Variants in LRRC63 observed in about 807,000 individuals in gnomAD.
LRRC63 encodes leucine-rich repeat-containing protein 63.
LRRC63 carries 40 observed loss-of-function variants against 49.5 expected under a neutral mutation model. The ratio of observed to expected loss-of-function variants is 0.81; its 90% CI spans 0.63 to 1.05. The LOEUF is 1.05. Ranked by LOEUF, LRRC63 falls within the 50% of genes least tolerant of loss-of-function variation. LRRC63 has a pLI of 0.00. For synonymous variants in LRRC63, 191 were observed against 221.1 expected (o/e 0.86, Z 1.21); for missense variants, 636 against 663.1 (o/e 0.96, Z 0.45).
At chr13:46,226,467 A>T (rs1378747356) in intron 2 of LRRC63, among the ~76,000 whole-genome samples, 1 of 152,222 alleles carries the variant, frequency 6.6e-6, no homozygotes, top group Non-Finnish European at 1.5e-5. Context: ...TATTACTCTG[A>T]TCAGGAAACA....
At chr13:46,237,483 G>C (rs2046935870) in intron 5 of LRRC63, among the ~76,000 whole-genome samples, 1 of 151,936 alleles carries the variant, frequency 6.6e-6, no homozygotes. Flanking sequence ...GTGGTGAAGG[G>C]GTATGTGGAG....
chr13:46,241,069 A>G (rs2047048344), intron 5 of LRRC63, among the ~76,000 whole-genome samples: 1 of 152,226 alleles, frequency 6.6e-6, no homozygotes, highest in Non-Finnish European at 1.5e-5. Flanking sequence ...GCATCATGCT[A>G]CCTGCCTTCG....
chr13:46,232,547 G>T (rs2046793985), intron 4 of LRRC63, among the ~76,000 whole-genome samples: 2 of 152,094 alleles, frequency 1.3e-5, no homozygotes, highest in Admixed American at 1.3e-4. Context: ...TAGGAAAGAG[G>T]ACAAAACTAA....
intron 5 of LRRC63, among the ~76,000 whole-genome samples, chr13:46,238,263 A>G (rs1189377714): frequency 2.0e-5 from 3 of 152,198 alleles, no homozygotes; most frequent in Non-Finnish European, 2.9e-5. Context: ...TAAAATTAAC[A>G]AAGATATTCA....
chr13:46,268,984 A>G (rs2138588090), intron 9 of LRRC63, among the ~76,000 whole-genome samples: 1 of 60,578 alleles, frequency 1.7e-5, no homozygotes. Flanking sequence ...ACATTTATGG[A>G]AAAAGCTGAA....
At chr13:46,232,732 A>G (rs753485796) in intron 4 of LRRC63, among the ~76,000 whole-genome samples, 9 of 152,122 alleles carry the variant, frequency 5.9e-5, no homozygotes, top group African/African-American at 2.2e-4. Flanking sequence ...AAAAAATTAC[A>G]ACACATTCTA....
intron 7 of LRRC63, among the ~76,000 whole-genome samples, chr13:46,258,930 A>C (rs915368377): frequency 2.0e-5 from 3 of 152,160 alleles, no homozygotes; most frequent in Non-Finnish European, 4.4e-5. Flanking sequence ...ATATTTTTGA[A>C]ATTATGTAAC....
At chr13:46,214,147 C>T (rs1475655030) in intron 2 of LRRC63, among the ~76,000 whole-genome samples, 1 of 152,176 alleles carries the variant, frequency 6.6e-6, no homozygotes, top group Non-Finnish European at 1.5e-5. Context: ...TTTTCCCCTT[C>T]TCAGTTTCCT....
At chr13:46,266,871 T>C (rs1248494229) in exon 9 of LRRC63, 1 of 1,549,276 alleles carries the variant, frequency 6.5e-7, no homozygotes, top group Non-Finnish European at 8.7e-7. Flanking sequence ...ATTTGAATAA[T>C]CCACAACAAC....
chr13:46,266,020 T>C (rs1023687048), intron 8 of LRRC63, among the ~76,000 whole-genome samples: 1 of 152,218 alleles, frequency 6.6e-6, no homozygotes, highest in Non-Finnish European at 1.5e-5. Flanking sequence ...CTCAGCAGTT[T>C]GTTTCCTAAA....
chr13:46,258,969 A>G (rs1245032900), intron 7 of LRRC63, among the ~76,000 whole-genome samples: 1 of 152,160 alleles, frequency 6.6e-6, no homozygotes, highest in African/African-American at 2.4e-5. Context: ...AGGGCAAATT[A>G]GAAGTTAATA....
intron 7 of LRRC63, among the ~76,000 whole-genome samples, chr13:46,258,167 T>A (rs1484993128): frequency 2.7e-5 from 4 of 150,194 alleles, no homozygotes; most frequent in Non-Finnish European, 5.9e-5. Flanking sequence ...CTTGTTCTTG[T>A]TGCCCAGGCT....
chr13:46,213,079 A>G, exon 2 of LRRC63: 2 of 1,549,944 alleles, frequency 1.3e-6, no homozygotes, highest in Non-Finnish European at 1.7e-6. Context: ...TACCTCCAAA[A>G]TTCACTAAGC....
intron 5 of LRRC63, among the ~76,000 whole-genome samples, chr13:46,239,184 C>T (rs2138464534): frequency 6.6e-6 from 1 of 152,172 alleles, no homozygotes; most frequent in Admixed American, 6.5e-5. Flanking sequence ...TTCAAAAGAT[C>T]AGCAGATCCA....
chr13:46,249,410 C>T (rs1248105798), intron 6 of LRRC63, among the ~76,000 whole-genome samples: 1 of 151,694 alleles, frequency 6.6e-6, no homozygotes, highest in Non-Finnish European at 1.5e-5. Flanking sequence ...AGACAGAAGA[C>T]TTATGTTACT....
intron 2 of LRRC63, among the ~76,000 whole-genome samples, chr13:46,219,013 TTCTC>T: frequency 6.6e-6 from 1 of 152,308 alleles, no homozygotes; most frequent in African/African-American, 2.4e-5. Flanking sequence ...AACCCGACCT[TTCTC>T]TCTGGCTGCC....
intron 9 of LRRC63, among the ~76,000 whole-genome samples, chr13:46,271,788 A>G (rs1347041934): frequency 1.3e-5 from 2 of 151,918 alleles, no homozygotes; most frequent in Non-Finnish European, 2.9e-5. Context: ...CTGAATTTCA[A>G]ATAAAAGGAC....
intron 2 of LRRC63, among the ~76,000 whole-genome samples, chr13:46,225,147 G>A (rs932957601): frequency 6.6e-6 from 1 of 152,184 alleles, no homozygotes; most frequent in African/African-American, 2.4e-5. Flanking sequence ...TGACCCTCTG[G>A]GTCCTGCATG....
At chr13:46,245,084 A>T (rs1926000) in intron 5 of LRRC63, among the ~76,000 whole-genome samples, 79,518 of 151,998 alleles carry the variant, frequency 0.52, 24,557 homozygotes, top group African/African-American at 0.85. Flanking sequence ...ATACTAAAGA[A>T]AAAGAATATT....
Sources: gnomAD v4.1 joint callset for allele counts (sites outside exome capture counted in the v4.1 genomes callset) on GRCh38, gnomAD v4.1.1 for gene constraint, MANE v1.5 for transcripts, NCBI Gene and HGNC (gene_info 2026-07-23, HGNC 2026-07-21) for gene names.